IMMP2L: variants seen among roughly 807,000 people sequenced by gnomAD.
IMMP2L encodes mitochondrial inner membrane protease subunit 2.
IMMP2L carries 18 observed loss-of-function variants against 19.3 expected under a neutral mutation model. That is an observed-to-expected ratio of 0.93 (90% CI 0.64 to 1.38). The LOEUF (loss-of-function observed/expected upper bound fraction) is 1.38. Ranked by LOEUF, IMMP2L falls within the 40% of genes most tolerant of loss-of-function variation. The pLI, the probability that IMMP2L is intolerant of heterozygous loss-of-function variation, is 0.00. For missense variants in IMMP2L, 233 were observed against 218.2 expected, an observed-to-expected ratio of 1.07 and a Z score of -0.43; for synonymous variants, 76 against 73.0, an observed-to-expected ratio of 1.04 and a Z score of -0.21.
chr7:111,047,013 T>G (rs1792463447), intron 3 of IMMP2L, among the ~76,000 whole-genome samples: 1 of 152,150 alleles, frequency 6.6e-6, no homozygotes, highest in African/African-American at 2.4e-5. Context: ...ATATATCTCC[T>G]TTGCTACTTT....
intron 3 of IMMP2L, among the ~76,000 whole-genome samples, chr7:111,062,963 T>C (rs1794156490): frequency 6.6e-6 from 1 of 152,190 alleles, no homozygotes; most frequent in African/African-American, 2.4e-5. Context: ...TTGTCAGTAG[T>C]GCTACCATTC....
chr7:111,276,428 C>A (rs1584406655), intron 3 of IMMP2L, among the ~76,000 whole-genome samples: 1 of 152,086 alleles, frequency 6.6e-6, no homozygotes, highest in East Asian at 1.9e-4. Flanking sequence ...GTCTCCTTAT[C>A]TGGCTTTGGG....
intron 3 of IMMP2L, among the ~76,000 whole-genome samples, chr7:111,165,982 A>T (rs1805774681): frequency 1.3e-5 from 2 of 152,144 alleles, no homozygotes; most frequent in Admixed American, 1.3e-4. Context: ...TTCATCCTCA[A>T]AGAGAGCTCA....
At chr7:111,488,815 C>T (rs578106978) in intron 2 of IMMP2L, among the ~76,000 whole-genome samples, 2 of 152,166 alleles carry the variant, frequency 1.3e-5, no homozygotes, top group African/African-American at 2.4e-5. Context: ...TTTACATTGC[C>T]ACCAGCAGCG....
At chr7:110,683,099 C>A (rs1204076550) in intron 5 of IMMP2L, among the ~76,000 whole-genome samples, 8 of 151,992 alleles carry the variant, frequency 5.3e-5, no homozygotes, top group Admixed American at 5.3e-4. Flanking sequence ...TTTAAAACTG[C>A]AGCTATTTGG....
chr7:111,242,737 T>C (rs1815254004), intron 3 of IMMP2L, among the ~76,000 whole-genome samples: 1 of 151,910 alleles, frequency 6.6e-6, no homozygotes. Context: ...CCAAAGCCTA[T>C]GGCACAACTA....
At chr7:110,823,508 G>C (rs189101652) in intron 5 of IMMP2L, among the ~76,000 whole-genome samples, 109 of 151,968 alleles carry the variant, frequency 7.2e-4, no homozygotes, top group African/African-American at 2.6e-3. Context: ...TCATTTATCT[G>C]ACAGGAAAAG....
intron 5 of IMMP2L, chr7:110,725,917 T>TGCTA (rs1795855798): frequency 2.0e-5 from 3 of 152,212 alleles, no homozygotes; most frequent in African/African-American, 7.2e-5. Context: ...ATACCAAGCA[T>TGCTA]TGTTCTAAAA....
intron 4 of IMMP2L, among the ~76,000 whole-genome samples, chr7:110,929,667 A>G (rs1815260006): frequency 6.6e-6 from 1 of 152,310 alleles, no homozygotes; most frequent in East Asian, 1.9e-4. Flanking sequence ...GCATAATTCA[A>G]CAAGGTACTC....
At chr7:110,859,857 T>A (rs1279937109) in intron 5 of IMMP2L, among the ~76,000 whole-genome samples, 2 of 152,078 alleles carry the variant, frequency 1.3e-5, no homozygotes, top group African/African-American at 2.4e-5. Context: ...GTTCTAAACC[T>A]AGAATAGGAA....
chr7:111,311,882 T>C (rs1176932413), intron 3 of IMMP2L, among the ~76,000 whole-genome samples: 2 of 152,118 alleles, frequency 1.3e-5, no homozygotes, highest in African/African-American at 4.8e-5. Flanking sequence ...ACTGGGACAC[T>C]CAGCCTCTGC....
intron 4 of IMMP2L, among the ~76,000 whole-genome samples, chr7:110,930,226 C>T (rs549454303): frequency 6.6e-6 from 1 of 152,116 alleles, no homozygotes; most frequent in Non-Finnish European, 1.5e-5. Context: ...TTTGGAAAGA[C>T]AGTGATCCGC....
In IMMP2L at chr7:111,123,677, G is replaced by A; in HGVS notation, c.240-160112C>T. On this transcript the variant is annotated intron_variant, in intron 3 of 5. Transcript: ENST00000405709. This position sits in a 1 kb window ranked among gnomAD's most constrained non-coding sequence, Gnocchi z 6.4. ...ATGCCTGAGCTGATTTCCATCGATA[G>A]TCTTGCTGTGGATAACCTGCCAGAT... 1 of 1,613,910 alleles carries A rather than the reference G, an allele frequency of 6.2e-7. No homozygotes were observed.
chr7:110,955,286 T>C (rs1425702920), intron 4 of IMMP2L, among the ~76,000 whole-genome samples: 2 of 151,918 alleles, frequency 1.3e-5, no homozygotes, highest in Non-Finnish European at 2.9e-5. Context: ...AAGGTATAGG[T>C]TGTCTACTAA....
chr7:111,123,099 T>C lies in IMMP2L; in HGVS notation c.240-159534A>G, dbSNP rs759403715. On this transcript the variant is annotated intron_variant, in intron 3 of 5. Coordinates refer to ENST00000405709, the MANE Select transcript of IMMP2L (RefSeq NM_032549.4). This position sits in a 1 kb window ranked among gnomAD's most constrained non-coding sequence, Gnocchi z 6.4. ...AAAACAATTTATCTTCAGTCACCAA[T>C]ATTAATGTAAAAAAGATGCCTCAGC... The C allele has an allele frequency of 1.5e-5, 24 of 1,613,718 alleles. No homozygotes were observed. Among genetic ancestry groups the C allele is most frequent in the Non-Finnish European group, 1.7e-5 (20 of 1,179,848 alleles).
At chr7:111,348,642 C>T (rs1827824579) in intron 3 of IMMP2L, among the ~76,000 whole-genome samples, 1 of 152,096 alleles carries the variant, frequency 6.6e-6, no homozygotes, top group South Asian at 2.1e-4. Context: ...AAGATCATTG[C>T]TTCCAAACGT....
At position 111,556,035 on chromosome 7, in the gene IMMP2L, T is replaced by TAC. The variant is rs1216693430; in HGVS notation, c.-3+5814_-3+5815dup. ...GTGTGCATGTATATATATATATATA[T>TAC]ACATACCCAAAGAAAATGAAACCGC... On this transcript the variant is annotated intron_variant, in intron 1 of 5. Coordinates refer to ENST00000405709, the MANE Select transcript of IMMP2L (RefSeq NM_032549.4). Among the ~76,000 whole-genome samples the TAC allele has an allele frequency of 2.0e-4, 27 of 135,734 alleles. 2 individuals are homozygous for TAC. The highest frequency in any genetic ancestry group is 7.1e-4 in the African/African-American group (26 of 36,430). 89.0% of individuals were successfully genotyped at this position (135,734 alleles called of 152,430 possible). A position where few individuals can be genotyped will look rare whatever the true frequency, so the allele number is the denominator to read the frequency against.
In IMMP2L at chr7:110,973,896, A is replaced by G. The variant is rs114816527; in HGVS notation, c.240-10331T>C. Among the ~76,000 whole-genome samples the G allele has an allele frequency of 4.0e-3, 606 of 152,214 alleles. 4 individuals carry two copies. The highest frequency in any genetic ancestry group is 0.014 in the African/African-American group (585 of 41,550). ...TTCCATTGCTCAAACATGACCAACA[A>G]CTTTCTTTAAAGAAAGAGTGGGAGA... On this transcript the variant is annotated intron_variant, in intron 3 of 5. Transcript: ENST00000405709.
At chr7:111,530,970 T>TG (rs1847335086) in intron 1 of IMMP2L, among the ~76,000 whole-genome samples, 1 of 151,836 alleles carries the variant, frequency 6.6e-6, no homozygotes, top group Admixed American at 6.6e-5. Context: ...TTTTTTTTTT[T>TG]TTTTGAGGCA....
Sources: gnomAD v4.1 joint callset for allele counts (sites outside exome capture counted in the v4.1 genomes callset) on GRCh38, gnomAD v4.1.1 for gene constraint, Gnocchi (gnomAD v3.1) non-coding constraint, MANE v1.5 for transcripts, NCBI Gene and HGNC (gene_info 2026-07-23, HGNC 2026-07-21) for gene names.